Variants in DNAH12 observed in about 807,000 individuals in gnomAD.
DNAH12 encodes the protein axonemal beta dynein heavy chain 12.
A neutral mutation model predicts 371.5 loss-of-function variants in DNAH12; 285 were observed. That is an observed-to-expected ratio of 0.77 (90% CI 0.70 to 0.85). The LOEUF is 0.85. DNAH12 is among the 40% of genes least tolerant of loss of function. DNAH12 has a pLI of 0.00. For synonymous variants in DNAH12, 1,200 were observed against 1,213.0 expected, an observed-to-expected ratio of 0.99 and a Z score of 0.22; for missense variants, 3,611 against 3,689.4, an observed-to-expected ratio of 0.98 and a Z score of 0.55.
chr3:57,498,257 G>A (rs1160300967), intron 11 of DNAH12: 53 of 450,468 alleles, frequency 1.2e-4, no homozygotes, highest in Non-Finnish European at 7.9e-6. Flanking sequence ...GGAAGAACTG[G>A]AAATCTCATA....
chr3:57,371,988 TAAAG>T (rs1173368892), intron 55 of DNAH12, among the ~76,000 whole-genome samples: 56 of 42,558 alleles, frequency 1.3e-3, no homozygotes, highest in African/African-American at 5.0e-3. Context: ...GAAGATGAAA[TAAAG>T]ACTTTTTTCA....
intron 40 of DNAH12, among the ~76,000 whole-genome samples, chr3:57,407,887 T>G (rs1374749851): frequency 6.6e-6 from 1 of 152,270 alleles, no homozygotes; most frequent in East Asian, 1.9e-4. Context: ...AAGACAAGCA[T>G]GCAAAATGGG....
At chr3:57,333,399 C>G (rs1405102033) in intron 62 of DNAH12, among the ~76,000 whole-genome samples, 1 of 148,054 alleles carries the variant, frequency 6.8e-6, no homozygotes, top group Non-Finnish European at 1.5e-5. Flanking sequence ...GGTGCGATCT[C>G]TGCTCATTGC....
At chr3:57,514,869 TTATGCTAAGTACAAAAGACTA>T (rs2068134090) in intron 4 of DNAH12, among the ~76,000 whole-genome samples, 2 of 152,222 alleles carry the variant, frequency 1.3e-5, no homozygotes, top group Non-Finnish European at 2.9e-5. Context: ...CCATATATCC[TTATGCTAAGTACAAAAGACTA>T]TAGGTGAATA....
intron 12 of DNAH12, among the ~76,000 whole-genome samples, chr3:57,488,274 C>T (rs937835775): frequency 6.6e-6 from 1 of 152,086 alleles, no homozygotes; most frequent in African/African-American, 2.4e-5. Flanking sequence ...CTCACTGCAA[C>T]CTCCACTTCC....
At chr3:57,489,169 T>C (rs1250029274) in intron 12 of DNAH12, among the ~76,000 whole-genome samples, 1 of 152,128 alleles carries the variant, frequency 6.6e-6, no homozygotes, top group African/African-American at 2.4e-5. Flanking sequence ...AGCTCGGTGA[T>C]ACAATAAGTA....
intron 34 of DNAH12, among the ~76,000 whole-genome samples, chr3:57,425,684 A>G (rs1005000837): frequency 6.6e-6 from 1 of 152,184 alleles, no homozygotes; most frequent in African/African-American, 2.4e-5. Flanking sequence ...CAATTGTACA[A>G]TCGCACATAA....
At chr3:57,474,784 C>T (rs1174140073) in intron 13 of DNAH12, among the ~76,000 whole-genome samples, 7 of 151,976 alleles carry the variant, frequency 4.6e-5, no homozygotes, top group Non-Finnish European at 7.4e-5. Flanking sequence ...TGGTGAAACC[C>T]CGTCTCTACT....
At position 57,445,389 on chromosome 3, in the gene DNAH12, G is replaced by A; in HGVS notation, c.4210C>T (p.Pro1404Ser). Residue 1404 changes from proline (P) to serine (S), a missense_variant, in exon 28 of 74, where the codon CCA (proline) becomes TCA (serine). Transcript: ENST00000495027. ...VLFRTVAMMV[P>S]NYALIAEISL... ...ATTTCTGCTATAAGCGCATAGTTTG[G>A]AACCATCATAGCCACTGTTCTAAAA... 5 of 1,546,748 alleles carry A rather than the reference G, an allele frequency of 3.2e-6. No homozygotes were observed. Among genetic ancestry groups the A allele is most frequent in the Non-Finnish European group, 4.4e-6 (5 of 1,145,602 alleles).
intron 7 of DNAH12, 132 bp downstream of exon 7, chr3:57,508,250 G>GAT (rs1387135540): frequency 1.9e-5 from 15 of 809,892 alleles, no homozygotes; most frequent in Non-Finnish European, 2.6e-5. Flanking sequence ...AAACAAACAA[G>GAT]ATACATTTTT....
chr3:57,347,800 A>T (rs2062577863), intron 60 of DNAH12, among the ~76,000 whole-genome samples: 1 of 152,192 alleles, frequency 6.6e-6, no homozygotes, highest in Non-Finnish European at 1.5e-5. Flanking sequence ...AGAATAGGAA[A>T]AGATGCTCAA....
chr3:57,379,489 A>G (rs2063343072), intron 51 of DNAH12, among the ~76,000 whole-genome samples, 191 bp from the exon 52 acceptor site: 1 of 152,178 alleles, frequency 6.6e-6, no homozygotes, highest in Admixed American at 6.6e-5. Context: ...TGTGAGCAAA[A>G]TATGCAAATG....
At chr3:57,487,273 T>C (rs2873523) in intron 12 of DNAH12, among the ~76,000 whole-genome samples, 95,112 of 137,842 alleles carry the variant, frequency 0.69, 32,130 homozygotes, top group South Asian at 0.76. Flanking sequence ...TTGTCTCTAA[T>C]AGAAAAGAAG....
At position 57,433,847 on chromosome 3, in the gene DNAH12, A is replaced by G. The variant is rs190102856; in HGVS notation, c.4656-19T>C. The G allele has an allele frequency of 6.6e-7, 1 of 1,504,558 alleles. No homozygotes were observed. The highest frequency in any genetic ancestry group is 2.4e-5 in the Admixed American group (1 of 41,068). 93.2% of individuals were successfully genotyped at this position (1,504,558 alleles called of 1,614,324 possible). A position where few individuals can be genotyped will look rare whatever the true frequency, so the allele number is the denominator to read the frequency against. ...CATAAAACTATGAAGGAAAAGAAAT[A>G]ATTATACAATAAGAGTCTTTAAAGA... On this transcript the variant is annotated intron_variant, in intron 30 of 73. Coordinates refer to ENST00000495027, the MANE Select transcript of DNAH12 (RefSeq NM_001366028.2).
chr3:57,435,437 T>A (rs575839572), intron 30 of DNAH12, among the ~76,000 whole-genome samples: 4 of 148,696 alleles, frequency 2.7e-5, no homozygotes, highest in African/African-American at 9.9e-5. Context: ...AAATGATTCA[T>A]GAAAAACAGA....
intron 34 of DNAH12, chr3:57,428,287 T>C: frequency 1.1e-6 from 1 of 943,512 alleles, no homozygotes; most frequent in South Asian, 1.7e-5. Flanking sequence ...GCTAATACAA[T>C]ATGTAAAGTT....
At chr3:57,549,540 C>G in the DNAH12 span, among the ~76,000 whole-genome samples, 1 of 152,080 alleles carries the variant, frequency 6.6e-6, no homozygotes. Flanking sequence ...TGTTTAAAGA[C>G]AGCATGAGGC....
intron 57 of DNAH12, among the ~76,000 whole-genome samples, chr3:57,364,926 T>C (rs1179676401): frequency 1.3e-5 from 2 of 152,210 alleles, no homozygotes; most frequent in Non-Finnish European, 2.9e-5. Context: ...TACCATCTTA[T>C]GCCAGTCAGA....
Position 57,510,938 on chromosome 3 carries a change from A to T in DNAH12, c.321T>A (p.Pro107=). Residue 107 remains proline (P), a synonymous_variant, in exon 5 of 74, where the codon CCT becomes CCA. Transcript: ENST00000495027. ...GCCATTCCTGCTGAATAGGTACTAA[A>T]GGACTACTTTCTACACATTGCTTCA... The part of the protein sequence containing the change: ...IYMKQCVESS[P]LVPIQQEWLD... The T allele has an allele frequency of 6.2e-7, 1 of 1,612,234 alleles. No homozygotes were observed. The highest frequency in any genetic ancestry group is 8.5e-7 in the Non-Finnish European group (1 of 1,179,668).
Sources: gnomAD v4.1 joint callset for allele counts (sites outside exome capture counted in the v4.1 genomes callset) on GRCh38, gnomAD v4.1.1 for gene constraint, MANE v1.5 for transcripts, NCBI Gene and HGNC (gene_info 2026-07-23, HGNC 2026-07-21) for gene names.